DPP10: variants seen among roughly 807,000 people sequenced by gnomAD.
DPP10 encodes the protein dipeptidyl peptidase like 10, also known as inactive dipeptidyl peptidase 10.
Under a neutral mutation model 120.9 loss-of-function variants are expected in DPP10, and 33 were observed. The ratio of observed to expected loss-of-function variants is 0.27; its 90% CI spans 0.21 to 0.37. DPP10 has a LOEUF of 0.37. Ranked by LOEUF, DPP10 falls within the 10% of genes least tolerant of loss-of-function variation. The pLI, the probability that DPP10 is intolerant of heterozygous loss-of-function variation, is 1.00. For missense variants in DPP10, 816 were observed against 942.8 expected (o/e 0.87, Z 1.76); for synonymous variants, 337 against 326.1 (o/e 1.03, Z -0.36).
intron 3 of DPP10, among the ~76,000 whole-genome samples, chr2:115,400,593 A>T (rs2068001679): frequency 6.6e-6 from 1 of 152,182 alleles, no homozygotes; most frequent in Non-Finnish European, 1.5e-5. Context: ...TTACGATAGG[A>T]TTACATTCAG....
intron 5 of DPP10, among the ~76,000 whole-genome samples, chr2:115,576,334 T>C (rs1044718216): frequency 1.3e-5 from 2 of 152,224 alleles, no homozygotes; most frequent in Non-Finnish European, 2.9e-5. Flanking sequence ...GAATGGTGTA[T>C]AGCAGTGCAT....
intron 1 of DPP10, among the ~76,000 whole-genome samples, chr2:114,834,917 G>A (rs1377595186): frequency 6.8e-6 from 1 of 146,594 alleles, no homozygotes; most frequent in East Asian, 2.0e-4. Context: ...ACACACCTAT[G>A]TATATATAAG....
In DPP10 at chr2:115,563,810, G is replaced by A. The variant is rs116015691; in HGVS notation, c.441+37838G>A. ...AACAAAATATCAAACACTTATATAG[G>A]TTAAGGGGGATGTGCCCAAGAGCTG... is the stretch of plus-strand genomic sequence containing the variant. On this transcript the variant is annotated intron_variant, in intron 5 of 25. Coordinates refer to ENST00000410059, the MANE Select transcript of DPP10 (RefSeq NM_020868.6). Among the ~76,000 whole-genome samples, 1,221 of 152,258 alleles carry A rather than the reference G, an allele frequency of 8.0e-3. 9 individuals are homozygous for A. The highest frequency in any genetic ancestry group is 9.7e-3 in the Non-Finnish European group (659 of 68,008).
At chr2:115,491,323 A>T (rs1280719150) in intron 3 of DPP10, among the ~76,000 whole-genome samples, 1 of 152,102 alleles carries the variant, frequency 6.6e-6, no homozygotes, top group Non-Finnish European at 1.5e-5. Flanking sequence ...AGTCTTGCTA[A>T]ACTGGTATAA....
intron 5 of DPP10, among the ~76,000 whole-genome samples, chr2:115,555,517 A>G (rs1176361024): frequency 6.6e-6 from 1 of 152,080 alleles, no homozygotes; most frequent in African/African-American, 2.4e-5. Flanking sequence ...TCTCAGTACT[A>G]TCTTTATTTC....
At chr2:115,073,190 C>T (rs1366570490) in intron 1 of DPP10, among the ~76,000 whole-genome samples, 1 of 152,232 alleles carries the variant, frequency 6.6e-6, no homozygotes, top group African/African-American at 2.4e-5. Flanking sequence ...ATTTAATGTT[C>T]ATGTGTACAT....
Position 114,923,060 on chromosome 2 carries a change from T to C in DPP10, c.61-386179T>C, listed in dbSNP as rs12470627. 3.9e-3 allele frequency among the ~76,000 whole-genome samples: 590 copies of C among 152,326 alleles called. 4 individuals are homozygous for C. The highest frequency in any genetic ancestry group is 0.027 in the Middle Eastern group (8 of 294). ...TTGGGGGAATTGTTAATTCAAATCC[T>C]TTGCTCCCAAAATTGGACTGTCTTT... On this transcript the variant is annotated intron_variant, in intron 1 of 25. Coordinates refer to ENST00000410059, the MANE Select transcript of DPP10 (RefSeq NM_020868.6).
intron 1 of DPP10, among the ~76,000 whole-genome samples, chr2:114,714,939 C>T (rs1358105820): frequency 6.6e-6 from 1 of 152,026 alleles, no homozygotes; most frequent in African/African-American, 2.4e-5. Flanking sequence ...GATCCTGTTT[C>T]ATAATGGGGT....
chr2:114,635,858 T>G (rs1695264892), intron 1 of DPP10, among the ~76,000 whole-genome samples: 1 of 151,876 alleles, frequency 6.6e-6, no homozygotes, highest in East Asian at 1.9e-4. Context: ...AGTAGCATAG[T>G]TTTTTAAAAC....
At chr2:115,088,934 G>A (rs1295931712) in intron 1 of DPP10, among the ~76,000 whole-genome samples, 2 of 151,758 alleles carry the variant, frequency 1.3e-5, no homozygotes, top group Non-Finnish European at 2.9e-5. Flanking sequence ...CTGAATTCCT[G>A]GCTACAGCTG....
rs1574866669 is a variant in DPP10, at chr2:115,445,324, C to G, written c.272-54186C>G. ...AGATAACATGAAAATGTGGAAGCAA[C>G]TTTGGAACTGGGTGACAGGCAGAGG... On this transcript the variant is annotated intron_variant, in intron 3 of 25. Coordinates refer to ENST00000410059, the MANE Select transcript of DPP10 (RefSeq NM_020868.6). 3.3e-5 allele frequency among the ~76,000 whole-genome samples: 5 copies of G among 152,232 alleles called. No individual in the cohort carries two copies. The South Asian group carries it at 1.0e-3, about 32-fold the overall frequency.
chr2:115,661,780 T>C (rs903980009), intron 5 of DPP10, among the ~76,000 whole-genome samples: 4 of 152,246 alleles, frequency 2.6e-5, no homozygotes, highest in African/African-American at 9.6e-5. Context: ...TGCAAGTTAA[T>C]GATTTGATGG....
chr2:114,513,307 G>C (rs1000011528), intron 1 of DPP10, among the ~76,000 whole-genome samples: 1 of 152,048 alleles, frequency 6.6e-6, no homozygotes, highest in Non-Finnish European at 1.5e-5. Flanking sequence ...TGGATCATGA[G>C]GTCAGGAGTT....
intron 1 of DPP10, among the ~76,000 whole-genome samples, chr2:115,025,061 A>C (rs373852957): frequency 1.4e-5 from 2 of 148,146 alleles, no homozygotes; most frequent in East Asian, 4.0e-4. Flanking sequence ...ACAATAGATT[A>C]ATGTTAACTA....
At chr2:114,966,396 TGA>T (rs979916534) in intron 1 of DPP10, among the ~76,000 whole-genome samples, 3 of 152,184 alleles carry the variant, frequency 2.0e-5, no homozygotes, top group Admixed American at 2.0e-4. Flanking sequence ...GGTTAGTTCC[TGA>T]GAGTAGCTTG....
intron 3 of DPP10, among the ~76,000 whole-genome samples, chr2:115,398,073 G>C (rs1206621875): frequency 6.6e-6 from 1 of 152,052 alleles, no homozygotes; most frequent in African/African-American, 2.4e-5. Flanking sequence ...CACACAAACA[G>C]CTGCATATAA....
intron 3 of DPP10, among the ~76,000 whole-genome samples, chr2:115,392,577 A>G (rs567672088): frequency 6.6e-6 from 1 of 152,250 alleles, no homozygotes; most frequent in Admixed American, 6.5e-5. Context: ...AACATGCAAA[A>G]CCAAGTGAAT....
chr2:115,842,289 G>A lies in DPP10; in HGVS notation c.2335G>A (p.Asp779Asn), dbSNP rs151259413. 6.2e-7 allele frequency: 1 copy of A among 1,613,986 alleles called. No individual in the cohort carries two copies. The highest frequency in any genetic ancestry group is 8.5e-7 in the Non-Finnish European group (1 of 1,179,922). ...CAGCACAATCCTCAAATTCTTCAGTGATTGTTTGAAGGAAGAAATATCTGT... is the reference window on the plus strand; with the variant it reads ...CAGCACAATCCTCAAATTCTTCAGTAATTGTTTGAAGGAAGAAATATCTGT... ...LYSTILKFFS[D>N]CLKEEISVLP... The change falls in exon 26 of 26, where the codon GAT becomes AAT. Residue 779 changes from aspartate to asparagine, a missense_variant. By Grantham distance (23) the Asp-to-Asn change is conservative (BLOSUM62 1). Coordinates refer to ENST00000410059, the MANE Select transcript of DPP10 (RefSeq NM_020868.6).
chr2:114,543,532 T>C (rs1687119301), intron 1 of DPP10, among the ~76,000 whole-genome samples: 1 of 152,224 alleles, frequency 6.6e-6, no homozygotes. Context: ...GGTGACCAAA[T>C]AAAGCCATAC....
Sources: gnomAD v4.1 joint callset for allele counts (sites outside exome capture counted in the v4.1 genomes callset) on GRCh38, gnomAD v4.1.1 for gene constraint, MANE v1.5 for transcripts, NCBI Gene and HGNC (gene_info 2026-07-23, HGNC 2026-07-21) for gene names.